PARPBP: variants seen among roughly 807,000 people sequenced by gnomAD.
The protein encoded by PARPBP is PCNA-interacting partner.
PARPBP carries 52 observed loss-of-function variants against 50.0 expected under a neutral mutation model. The observed-to-expected ratio is 1.04, with a 90% CI of 0.83 to 1.31. The LOEUF (loss-of-function observed/expected upper bound fraction) is 1.31. Among genes scored for constraint, PARPBP ranks in the 50% most tolerant of loss-of-function variants. PARPBP has a pLI of 0.00. For missense variants in PARPBP, 697 were observed against 672.0 expected (o/e 1.04, Z -0.41); for synonymous variants, 244 against 232.1 (o/e 1.05, Z -0.47).
intron 2 of PARPBP, among the ~76,000 whole-genome samples, chr12:102,137,429 T>C (rs1458069525): frequency 6.6e-6 from 1 of 152,066 alleles, no homozygotes; most frequent in Non-Finnish European, 1.5e-5. Context: ...ACTCTTTAAG[T>C]TTTAGGTTTT....
chr12:102,147,045 A>C (rs1023847055), intron 2 of PARPBP, among the ~76,000 whole-genome samples: 6 of 152,074 alleles, frequency 3.9e-5, no homozygotes, highest in African/African-American at 1.4e-4. Flanking sequence ...TTAGAATGGC[A>C]ATCATTAAAA....
At chr12:102,189,175 A>T (rs773420558) in intron 9 of PARPBP, among the ~76,000 whole-genome samples, 2 of 152,226 alleles carry the variant, frequency 1.3e-5, no homozygotes, top group Admixed American at 1.3e-4. Context: ...ACTACCTAGC[A>T]TTTAGAAGAG....
chr12:102,192,670 T>C (rs1890897586), intron 9 of PARPBP, among the ~76,000 whole-genome samples: 1 of 152,142 alleles, frequency 6.6e-6, no homozygotes, highest in Non-Finnish European at 1.5e-5. Context: ...CTTATGGTTC[T>C]AGCCTTCTGA....
At chr12:102,181,167 G>C (rs573690087) in intron 8 of PARPBP, among the ~76,000 whole-genome samples, 13 of 152,234 alleles carry the variant, frequency 8.5e-5, no homozygotes, top group African/African-American at 3.1e-4. Flanking sequence ...ACTTCAGGAT[G>C]CCTGAATATA....
intron 10 of PARPBP, 128 bp downstream of exon 10, chr12:102,195,575 C>A: frequency 1.5e-6 from 1 of 675,560 alleles, no homozygotes; most frequent in Non-Finnish European, 2.5e-6. Flanking sequence ...TTTTAAAGAC[C>A]TCAGTTTATT....
At chr12:102,195,469 A>G (rs1360564298) in intron 10 of PARPBP, 22 bp downstream of exon 10, 1 of 1,545,416 alleles carries the variant, frequency 6.5e-7, no homozygotes, top group Non-Finnish European at 8.8e-7. Context: ...TATTTGTGCA[A>G]TTAAATAACA....
intron 3 of PARPBP, chr12:102,151,512 C>A: frequency 8.0e-7 from 1 of 1,250,464 alleles, no homozygotes; most frequent in Non-Finnish European, 1.1e-6. Flanking sequence ...GAATGGGGTC[C>A]TTTGGGTGGG....
At chr12:102,136,442 A>G (rs1296699647) in intron 2 of PARPBP, among the ~76,000 whole-genome samples, 2 of 152,230 alleles carry the variant, frequency 1.3e-5, no homozygotes, top group African/African-American at 2.4e-5. Flanking sequence ...GATTTTTTCA[A>G]CAAGCTAAGT....
intron 3 of PARPBP, 29 bp downstream of exon 3, chr12:102,148,492 A>T: frequency 1.2e-6 from 1 of 853,272 alleles, no homozygotes; most frequent in Non-Finnish European, 1.8e-6. Flanking sequence ...ATTCTATTTT[A>T]ATCAAATTAA....
At chr12:102,184,457 G>A (rs1890133602) in intron 9 of PARPBP, among the ~76,000 whole-genome samples, 1 of 152,130 alleles carries the variant, frequency 6.6e-6, no homozygotes. Context: ...GACAAATTTA[G>A]AAAGTTTTGG....
intron 1 of PARPBP, among the ~76,000 whole-genome samples, chr12:102,123,628 TG>T (rs1455011810): frequency 1.3e-5 from 2 of 152,138 alleles, no homozygotes; most frequent in Admixed American, 1.3e-4. Context: ...TCTGTTTTTG[TG>T]TGAATTTTCA....
At chr12:102,144,593 A>C (rs1056505828) in intron 2 of PARPBP, among the ~76,000 whole-genome samples, 2 of 152,182 alleles carry the variant, frequency 1.3e-5, no homozygotes, top group Admixed American at 1.3e-4. Context: ...TTTTTCTCAC[A>C]AGATCAAGAG....
intron 2 of PARPBP, among the ~76,000 whole-genome samples, chr12:102,129,658 T>A (rs1882549756): frequency 6.6e-6 from 1 of 152,236 alleles, no homozygotes; most frequent in African/African-American, 2.4e-5. Context: ...TTTTTCCATT[T>A]GTTTGTACCT....
At chr12:102,189,373 A>T (rs542939740) in intron 9 of PARPBP, among the ~76,000 whole-genome samples, 1 of 152,356 alleles carries the variant, frequency 6.6e-6, no homozygotes, top group East Asian at 1.9e-4. Context: ...ACTTTCAGTG[A>T]TGGAAATGAT....
In PARPBP at chr12:102,126,641, G is replaced by A. The variant is rs550947129; in HGVS notation, c.153+2600G>A. Among the ~76,000 whole-genome samples the A allele has an allele frequency of 2.0e-5, 3 of 152,224 alleles. No individual in the cohort carries two copies. In the East Asian group the frequency reaches 5.8e-4, roughly 29 times the overall value. ...GTCTCTATTAAAAATTAAAAAATTA[G>A]CTGGGCGTAGTGGTAGGCGCCTGTA... On this transcript the variant is annotated intron_variant, in intron 2 of 10. Coordinates refer to ENST00000327680, the MANE Select transcript of PARPBP (RefSeq NM_017915.5).
chr12:102,149,139 A>T (rs1040130185), intron 3 of PARPBP: 1 of 152,204 alleles, frequency 6.6e-6, no homozygotes, highest in African/African-American at 2.4e-5. Context: ...GTAGTAGTTA[A>T]ATAGTGGCAA....
chr12:102,183,093 A>G (rs1425021264), intron 9 of PARPBP, among the ~76,000 whole-genome samples: 3 of 152,136 alleles, frequency 2.0e-5, no homozygotes, highest in African/African-American at 7.2e-5. Flanking sequence ...TTCTTTGTTC[A>G]TTTAGTTTGA....
intron 3 of PARPBP, among the ~76,000 whole-genome samples, chr12:102,151,127 G>A (rs1399490308): frequency 4.6e-5 from 7 of 152,108 alleles, no homozygotes; most frequent in African/African-American, 1.2e-4. Context: ...ACACACGTGC[G>A]TAACAGAACA....
intron 7 of PARPBP, among the ~76,000 whole-genome samples, chr12:102,177,390 A>G (rs1191035068): frequency 6.6e-6 from 1 of 152,248 alleles, no homozygotes; most frequent in Non-Finnish European, 1.5e-5. Context: ...AGAGAGTTCA[A>G]GCACCTTCTC....
Sources: gnomAD v4.1 joint callset for allele counts (sites outside exome capture counted in the v4.1 genomes callset) on GRCh38, gnomAD v4.1.1 for gene constraint, MANE v1.5 for transcripts, NCBI Gene and HGNC (gene_info 2026-07-23, HGNC 2026-07-21) for gene names.